USP13: variants seen among roughly 807,000 people sequenced by gnomAD.
USP13 encodes ubiquitin carboxyl-terminal hydrolase 13.
Under a neutral mutation model 107.8 loss-of-function variants are expected in USP13, and 68 were observed. That is an observed-to-expected ratio of 0.63 (90% CI 0.52 to 0.77). The LOEUF (loss-of-function observed/expected upper bound fraction) is 0.77, where lower values mean the gene tolerates loss of function less well. Ranked by LOEUF, USP13 falls within the 30% of genes least tolerant of loss-of-function variation. The pLI, the probability that USP13 is intolerant of heterozygous loss-of-function variation, is 0.00. For synonymous variants in USP13, 377 were observed against 389.5 expected, an observed-to-expected ratio of 0.97 and a Z score of 0.38; for missense variants, 945 against 1,093.3, an observed-to-expected ratio of 0.86 and a Z score of 1.91.
chr3:179,718,723 T>A (rs1451082048), intron 6 of USP13, among the ~76,000 whole-genome samples: 3 of 152,156 alleles, frequency 2.0e-5, no homozygotes, highest in Admixed American at 2.0e-4. Context: ...CAGATTCTCA[T>A]TCAGTCGGCC....
chr3:179,653,562 C>T lies in USP13; in HGVS notation c.168+169C>T. 1.0e-6 allele frequency: 1 copy of T among 963,836 alleles called. No individual in the cohort carries two copies. Among genetic ancestry groups the T allele is most frequent in the South Asian group, 1.8e-5 (1 of 56,250 alleles). 59.7% of individuals were successfully genotyped at this position (963,836 alleles called of 1,614,324 possible). ...ACACTTAGTGAGCGCCCCAGGGCTG[C>T]TGCAGCCGAGGACTGGCTCGTGCTG... On this transcript the variant is annotated intron_variant, in intron 1 of 20. Coordinates refer to ENST00000263966, the MANE Select transcript of USP13 (RefSeq NM_003940.3). This position sits in a 1 kb window ranked among gnomAD's most constrained non-coding sequence, Gnocchi z 4.0.
chr3:179,742,498 G>A lies in USP13; in HGVS notation c.1534+148G>A. On this transcript the variant is annotated intron_variant, in intron 12 of 20. Coordinates refer to ENST00000263966, the MANE Select transcript of USP13 (RefSeq NM_003940.3). This position sits in a 1 kb window ranked among gnomAD's most constrained non-coding sequence, Gnocchi z 5.0. ...TTTGCACATCTCTTTTCATCTCTTTGTTAGTTCCCATGTGACTTTTCCTTT... is the reference window on the plus strand; with the variant it reads ...TTTGCACATCTCTTTTCATCTCTTTATTAGTTCCCATGTGACTTTTCCTTT... 1 of 1,029,662 alleles carries A rather than the reference G, an allele frequency of 9.7e-7. No individual in the cohort carries two copies. The allele number at this position is 1,029,662 out of a possible 1,614,324, so 63.8% of individuals were successfully genotyped here. A position where few individuals can be genotyped will look rare whatever the true frequency, so the allele number is the denominator to read the frequency against.
intron 8 of USP13, among the ~76,000 whole-genome samples, chr3:179,724,462 A>G (rs1274472631): frequency 6.7e-6 from 1 of 148,430 alleles, no homozygotes; most frequent in Non-Finnish European, 1.5e-5. Context: ...TGTCTCAAGA[A>G]AAAAAAAAAA....
At chr3:179,701,591 T>G (rs1316066156) in intron 4 of USP13, among the ~76,000 whole-genome samples, 1 of 152,232 alleles carries the variant, frequency 6.6e-6, no homozygotes, top group Non-Finnish European at 1.5e-5. Context: ...GCTCCACTGC[T>G]GAAACAATAG....
intron 5 of USP13, among the ~76,000 whole-genome samples, chr3:179,708,273 C>A (rs192438797): frequency 6.6e-6 from 1 of 151,744 alleles, no homozygotes; most frequent in East Asian, 1.9e-4. Flanking sequence ...AGGCAGGGTG[C>A]TGAGTGATCC....
At chr3:179,717,954 A>AG (rs1713164335) in intron 6 of USP13, among the ~76,000 whole-genome samples, 1 of 26,284 alleles carries the variant, frequency 3.8e-5, no homozygotes, top group Non-Finnish European at 1.3e-4. Context: ...ACTTATTAAT[A>AG]ATAGACTGAA....
At chr3:179,707,806 T>C (rs968656564) in intron 5 of USP13, among the ~76,000 whole-genome samples, 2 of 152,226 alleles carry the variant, frequency 1.3e-5, no homozygotes, top group Non-Finnish European at 1.5e-5. Flanking sequence ...GTGTCTGATT[T>C]GGTTGAATCC....
Position 179,706,994 on chromosome 3 carries a change from G to A in USP13, c.538G>A (p.Asp180Asn). The A allele has an allele frequency of 6.2e-7, 1 of 1,614,110 alleles. No homozygotes were observed. Among genetic ancestry groups the A allele is most frequent in the South Asian group, 1.1e-5 (1 of 91,076 alleles). Residue 180 changes from aspartate (D) to asparagine (N), a missense_variant, in exon 5 of 21, where the codon GAC becomes AAC. Transcript: ENST00000263966. ...ATCTCCATACAGAAAGCAGGACCCA[G>A]ACACGTGGGAAAATGAATTGCCAGT... ...SKSPYRKQDPDTWENELPVSK... is the reference protein window; with the variant it reads ...SKSPYRKQDPNTWENELPVSK...
chr3:179,712,616 C>G (rs541860745), intron 6 of USP13, among the ~76,000 whole-genome samples: 41 of 152,094 alleles, frequency 2.7e-4, no homozygotes, highest in Admixed American at 1.6e-3. Context: ...ATGATGGTTT[C>G]ATAAATCATT....
chr3:179,766,214 G>A (rs1409538423), intron 19 of USP13, among the ~76,000 whole-genome samples: 3 of 152,090 alleles, frequency 2.0e-5, no homozygotes, highest in Non-Finnish European at 2.9e-5. Context: ...TCCTGACCTC[G>A]TGATATGCCT....
At chr3:179,697,743 T>C (rs955404236) in intron 3 of USP13, among the ~76,000 whole-genome samples, 1 of 152,004 alleles carries the variant, frequency 6.6e-6, no homozygotes. Context: ...GGCTGTGGGG[T>C]CATATGTGTT....
intron 1 of USP13, among the ~76,000 whole-genome samples, chr3:179,654,801 C>T (rs1720203392): frequency 2.0e-5 from 3 of 152,308 alleles, no homozygotes; most frequent in African/African-American, 7.2e-5. Flanking sequence ...TTTTGGCTGG[C>T]TTCAAAGCAC....
Position 179,670,198 on chromosome 3 carries a change from G to A in USP13, c.169-11680G>A, listed in dbSNP as rs78218078. On this transcript the variant is annotated intron_variant, in intron 1 of 20. Transcript: ENST00000263966. ...GTCTCAGCCTCCTAGAGACAACCCTGTCCCCCATCTGTATAAAGACCCCAA... is the reference window on the plus strand; with the variant it reads ...GTCTCAGCCTCCTAGAGACAACCCTATCCCCCATCTGTATAAAGACCCCAA... Among the ~76,000 whole-genome samples the A allele has an allele frequency of 4.6e-5, 7 of 152,190 alleles. No individual in the cohort carries two copies. In the East Asian group the frequency reaches 1.4e-3, roughly 29 times the overall value.
chr3:179,767,888 G>T (rs911933944), intron 19 of USP13, among the ~76,000 whole-genome samples: 2 of 152,072 alleles, frequency 1.3e-5, no homozygotes. Context: ...AGAAAGAGAC[G>T]GTGGGAGGGA....
chr3:179,732,967 G>A (rs1435408971), intron 10 of USP13, among the ~76,000 whole-genome samples: 2 of 152,260 alleles, frequency 1.3e-5, no homozygotes, highest in East Asian at 3.9e-4. Context: ...GTTTTGCTTG[G>A]TCCACACATA....
intron 12 of USP13, among the ~76,000 whole-genome samples, chr3:179,743,938 TTTTTTTTGAGTAA>T (rs1406182690): frequency 1.3e-5 from 2 of 151,490 alleles, no homozygotes; most frequent in Admixed American, 1.3e-4. Flanking sequence ...TTTTTTTTTT[TTTTTTTTGAGTAA>T]TACAAAAGAA....
At chr3:179,745,924 T>C (rs1714390349) in intron 13 of USP13, among the ~76,000 whole-genome samples, 1 of 152,074 alleles carries the variant, frequency 6.6e-6, no homozygotes. Flanking sequence ...TCTGCCACCC[T>C]AGTTGATTTG....
At chr3:179,764,929 C>T (rs1316525515) in intron 18 of USP13, among the ~76,000 whole-genome samples, 1 of 152,188 alleles carries the variant, frequency 6.6e-6, no homozygotes, top group East Asian at 1.9e-4. Flanking sequence ...CTAGGACAAC[C>T]TGTCTCCCTT....
intron 2 of USP13, among the ~76,000 whole-genome samples, chr3:179,683,438 A>C (rs1711740333): frequency 6.6e-6 from 1 of 152,200 alleles, no homozygotes; most frequent in Non-Finnish European, 1.5e-5. Flanking sequence ...AAGATTGGGC[A>C]ATTTACAAAA....
Sources: gnomAD v4.1 joint callset for allele counts (sites outside exome capture counted in the v4.1 genomes callset) on GRCh38, gnomAD v4.1.1 for gene constraint, Gnocchi (gnomAD v3.1) non-coding constraint, MANE v1.5 for transcripts, NCBI Gene and HGNC (gene_info 2026-07-23, HGNC 2026-07-21) for gene names.